DAAM2: variants seen among roughly 807,000 people sequenced by gnomAD.
The protein encoded by DAAM2 is dishevelled associated activator of morphogenesis 2.
A neutral mutation model predicts 120.7 loss-of-function variants in DAAM2; 39 were observed. That is an observed-to-expected ratio of 0.32 (90% CI 0.25 to 0.42). The LOEUF (loss-of-function observed/expected upper bound fraction) is 0.42. Among genes scored for constraint, DAAM2 ranks in the 10% least tolerant of loss-of-function variants. The pLI is 1.00. For missense variants in DAAM2, 1,283 were observed against 1,401.7 expected, an observed-to-expected ratio of 0.92 and a Z score of 1.35; for synonymous variants, 488 against 524.9, an observed-to-expected ratio of 0.93 and a Z score of 0.96.
In DAAM2 at chr6:39,875,531, T is replaced by C. The variant is rs1764836071; in HGVS notation, c.1301+63T>C. ...CTTCCTCATCACTCTCCCACTCTGGTCTCACCAGCGAAACCTCAGCTCCCT... is the reference window on the plus strand; with the variant it reads ...CTTCCTCATCACTCTCCCACTCTGGCCTCACCAGCGAAACCTCAGCTCCCT... On this transcript the variant is annotated intron_variant, in intron 11 of 24. Transcript: ENST00000274867. 1.9e-6 allele frequency: 3 copies of C among 1,560,798 alleles called. No individual in the cohort carries two copies. The Admixed American group carries it at 5.5e-5, about 29-fold the overall frequency.
chr6:39,852,184 C>T (rs1763832921), intron 1 of DAAM2, among the ~76,000 whole-genome samples: 1 of 152,200 alleles, frequency 6.6e-6, no homozygotes, highest in Non-Finnish European at 1.5e-5. Flanking sequence ...TGAAATCTCT[C>T]TGGCCTGAGT....
At chr6:39,812,738 A>G (rs1313783839) in intron 1 of DAAM2, among the ~76,000 whole-genome samples, 3 of 151,634 alleles carry the variant, frequency 2.0e-5, no homozygotes, top group Non-Finnish European at 2.9e-5. Context: ...TTGCAAACAC[A>G]CCCTCAACTC....
chr6:39,899,375 C>T (rs577708575), intron 22 of DAAM2, among the ~76,000 whole-genome samples: 10 of 152,294 alleles, frequency 6.6e-5, no homozygotes, highest in African/African-American at 2.2e-4. Flanking sequence ...CCACCATTCC[C>T]GTTCTGATGG....
In DAAM2 at chr6:39,897,113, C is replaced by A. The variant is rs1397463459; in HGVS notation, c.2511-62C>A. On this transcript the variant is annotated intron_variant, in intron 20 of 24. Coordinates refer to ENST00000274867, the MANE Select transcript of DAAM2 (RefSeq NM_001201427.2). Reference sequence around the variant, plus strand: ...TTTCTCTTAACACTCCATCCTCTGACCCTCTGACCCTCGTGCCCAGTTTCC... The same window carrying A: ...TTTCTCTTAACACTCCATCCTCTGAACCTCTGACCCTCGTGCCCAGTTTCC... The A allele has an allele frequency of 4.0e-6, 6 of 1,517,640 alleles. No individual in the cohort carries two copies. The Admixed American group carries it at 8.4e-5, about 21-fold the overall frequency. The allele number at this position is 1,517,640 out of a possible 1,614,324, so 94.0% of individuals were successfully genotyped here. A position where few individuals can be genotyped will look rare whatever the true frequency, so the allele number is the denominator to read the frequency against.
intron 5 of DAAM2, chr6:39,867,271 C>A: frequency 1.9e-6 from 1 of 526,756 alleles, no homozygotes; most frequent in South Asian, 2.2e-5. Context: ...ACATTCATAC[C>A]ATTTTAGCTA....
At chr6:39,882,722 CACACACACACAT>C (rs1486112479) in intron 14 of DAAM2, among the ~76,000 whole-genome samples, 7 of 145,994 alleles carry the variant, frequency 4.8e-5, no homozygotes, top group Non-Finnish European at 7.4e-5. Flanking sequence ...CACACACGCA[CACACACACACAT>C]ACACACACTC....
chr6:39,891,385 G>A lies in DAAM2; in HGVS notation c.2190G>A (p.Glu730=). ...IPEKSDIDLL[E]EHKHEIERMA... is the part of the protein sequence containing the mutation. ...AGAAGAGTGACATTGACCTCCTGGA[G>A]GAGCACAAGCATGAAATTGAGCGGA... Residue 730 remains glutamate (E), a synonymous_variant, in exon 18 of 25, where the codon GAG becomes GAA. Coordinates refer to ENST00000274867, the MANE Select transcript of DAAM2 (RefSeq NM_001201427.2). 1.9e-6 allele frequency: 3 copies of A among 1,611,664 alleles called. No homozygotes were observed. The highest frequency in any genetic ancestry group is 2.5e-6 in the Non-Finnish European group (3 of 1,178,928).
chr6:39,809,175 G>C (rs1381844610), intron 1 of DAAM2, among the ~76,000 whole-genome samples: 1 of 152,178 alleles, frequency 6.6e-6, no homozygotes, highest in African/African-American at 2.4e-5. Flanking sequence ...TCTGCCTGCT[G>C]GAGCTGTGCA....
intron 9 of DAAM2, among the ~76,000 whole-genome samples, chr6:39,871,807 G>A (rs901732266): frequency 6.6e-6 from 1 of 152,152 alleles, no homozygotes; most frequent in African/African-American, 2.4e-5. Context: ...ATTGGCTCAC[G>A]CAACTATGGA....
chr6:39,861,050 G>T (rs767016627), intron 3 of DAAM2, 33 bp downstream of exon 3: 6 of 1,553,750 alleles, frequency 3.9e-6, no homozygotes, highest in Non-Finnish European at 5.3e-6. Flanking sequence ...CCACATCTCA[G>T]GGTTCATGGC....
At chr6:39,848,880 C>T (rs1162967606) in intron 1 of DAAM2, 4 of 152,168 alleles carry the variant, frequency 2.6e-5, no homozygotes, top group Non-Finnish European at 5.9e-5. Context: ...TTCTGAGCCT[C>T]AAGTTTCTTC....
chr6:39,897,698 ACATCG>A (rs1273678822), intron 21 of DAAM2, among the ~76,000 whole-genome samples: 1 of 152,156 alleles, frequency 6.6e-6, no homozygotes, highest in Non-Finnish European at 1.5e-5. Flanking sequence ...GCTTTTTCAT[ACATCG>A]CATGTCTCAT....
intron 1 of DAAM2, among the ~76,000 whole-genome samples, chr6:39,813,140 G>C (rs1762211337): frequency 6.6e-6 from 1 of 152,032 alleles, no homozygotes; most frequent in African/African-American, 2.4e-5. Flanking sequence ...GGAAAGAAGA[G>C]GCAGATTGTG....
intron 14 of DAAM2, among the ~76,000 whole-genome samples, chr6:39,880,923 G>A (rs993047051): frequency 2.0e-5 from 3 of 152,208 alleles, no homozygotes; most frequent in Non-Finnish European, 4.4e-5. Flanking sequence ...CTGCACATGA[G>A]TAGGCCAACC....
intron 1 of DAAM2, among the ~76,000 whole-genome samples, chr6:39,827,773 C>T (rs4496783): frequency 0.24 from 36,440 of 151,992 alleles, 4,529 homozygotes; most frequent in South Asian, 0.37. Context: ...TCTGGAAAAT[C>T]ACAAACCCAG....
chr6:39,814,261 C>A (rs1275969865), intron 1 of DAAM2, among the ~76,000 whole-genome samples: 2 of 148,950 alleles, frequency 1.3e-5, no homozygotes, highest in Non-Finnish European at 3.0e-5. Context: ...GACAATTCTT[C>A]TTCTTCCAGT....
intron 3 of DAAM2, among the ~76,000 whole-genome samples, chr6:39,863,500 G>T (rs560797285): frequency 6.6e-6 from 1 of 152,212 alleles, no homozygotes; most frequent in South Asian, 2.1e-4. Flanking sequence ...CTGGCAGAGA[G>T]GTGTTTTGTC....
chr6:39,876,849 C>T (rs770681503), intron 11 of DAAM2, among the ~76,000 whole-genome samples: 8 of 152,114 alleles, frequency 5.3e-5, no homozygotes, highest in East Asian at 1.9e-4. Flanking sequence ...CAAACCAGTC[C>T]GACCCTCTGA....
chr6:39,878,410 T>C lies in DAAM2; in HGVS notation c.1367T>C (p.Met456Thr), dbSNP rs895070643. Residue 456 changes from methionine (M) to threonine (T), a missense_variant, in exon 13 of 25, where the codon ATG becomes ACG. Coordinates refer to ENST00000274867, the MANE Select transcript of DAAM2 (RefSeq NM_001201427.2). This position sits in a 1 kb window ranked among gnomAD's most constrained non-coding sequence, Gnocchi z 5.0. Reference sequence around the variant, plus strand: ...CGTCCCACCCCCATTCCAGAACACATGGAGCTTGTGAGCCGTCTGGAGAGG... The same window carrying C: ...CGTCCCACCCCCATTCCAGAACACACGGAGCTTGTGAGCCGTCTGGAGAGG... Reference protein sequence around the residue: ...DQAEKFRKEHMELVSRLERKE... With the variant: ...DQAEKFRKEHTELVSRLERKE... 1.2e-6 allele frequency: 2 copies of C among 1,611,802 alleles called. No individual in the cohort carries two copies. The highest frequency in any genetic ancestry group is 1.7e-5 in the Admixed American group (1 of 59,698).
Sources: gnomAD v4.1 joint callset for allele counts (sites outside exome capture counted in the v4.1 genomes callset) on GRCh38, gnomAD v4.1.1 for gene constraint, Gnocchi (gnomAD v3.1) non-coding constraint, MANE v1.5 for transcripts, NCBI Gene and HGNC (gene_info 2026-07-23, HGNC 2026-07-21) for gene names.